PAX3: variants seen among roughly 807,000 people sequenced by gnomAD.
PAX3 encodes the protein paired box 3.
A neutral mutation model predicts 51.6 loss-of-function variants in PAX3; 14 were observed. The ratio of observed to expected loss-of-function variants is 0.27; its 90% CI spans 0.18 to 0.42. PAX3 has a LOEUF of 0.42. PAX3 is among the 10% of genes least tolerant of loss of function. The pLI is 1.00. For missense variants in PAX3, 540 were observed against 642.8 expected (o/e 0.84, Z 1.73); for synonymous variants, 280 against 253.4 (o/e 1.11, Z -1.00).
chr2:222,273,765 CT>C (rs993608867), intron 4 of PAX3, among the ~76,000 whole-genome samples: 11 of 150,798 alleles, frequency 7.3e-5, no homozygotes, highest in East Asian at 1.9e-4. Context: ...TTTCTTTTTC[CT>C]TTTTTTTTCC....
chr2:222,260,008 A>G (rs759779963), intron 4 of PAX3, among the ~76,000 whole-genome samples: 2 of 151,786 alleles, frequency 1.3e-5, no homozygotes, highest in Non-Finnish European at 3.0e-5. Context: ...AGCTGGGACT[A>G]TAGGCACACA....
chr2:222,200,888 A>G lies in PAX3; in HGVS notation c.*520T>C, dbSNP rs931002727. ...TTTCAATTTCCAGTGTGTAAGAGTC[A>G]AGGATTCCTCCATTCTTGCTTCATG... On this transcript the variant is annotated 3_prime_UTR_variant, in exon 9 of 9. Transcript: ENST00000392070. The G allele has an allele frequency of 2.2e-5, 11 of 492,510 alleles. No individual in the cohort carries two copies. Among genetic ancestry groups the G allele is most frequent in the Middle Eastern group, 5.4e-4 (1 of 1,836 alleles). 30.5% of individuals were successfully genotyped at this position (492,510 alleles called of 1,614,324 possible).
At chr2:222,250,627 T>C (rs1406836480) in intron 4 of PAX3, among the ~76,000 whole-genome samples, 1 of 152,160 alleles carries the variant, frequency 6.6e-6, no homozygotes, top group African/African-American at 2.4e-5. Context: ...AAGAATGTTT[T>C]TGGTTAGATT....
chr2:222,203,012 C>CATATATATATATATATATAT (rs71053057), intron 7 of PAX3, among the ~76,000 whole-genome samples: 3 of 41,188 alleles, frequency 7.3e-5, no homozygotes, highest in Non-Finnish European at 1.0e-4. Context: ...ACAACCATTT[C>CATATATATATATATATATAT]ATATATATAT....
At chr2:222,235,288 C>T (rs1426945809) in intron 4 of PAX3, among the ~76,000 whole-genome samples, 1 of 152,166 alleles carries the variant, frequency 6.6e-6, no homozygotes, top group Admixed American at 6.6e-5. Context: ...CTGCCTTGTT[C>T]ACTGCTGGAA....
At chr2:222,260,495 A>G (rs567734284) in intron 4 of PAX3, among the ~76,000 whole-genome samples, 1 of 143,230 alleles carries the variant, frequency 7.0e-6, no homozygotes, top group Admixed American at 7.1e-5. Context: ...ACATGTCTCT[A>G]TTTCAATACC....
intron 7 of PAX3, among the ~76,000 whole-genome samples, chr2:222,202,413 A>C (rs1490423641): frequency 6.6e-6 from 1 of 151,956 alleles, no homozygotes; most frequent in African/African-American, 2.4e-5. Flanking sequence ...GGGAGGGAGA[A>C]GAGGGGAGAA....
chr2:222,252,844 A>G (rs372774084), intron 4 of PAX3, among the ~76,000 whole-genome samples: 28 of 152,148 alleles, frequency 1.8e-4, no homozygotes, highest in African/African-American at 6.5e-4. Context: ...GAGAACCAGG[A>G]AACTCTTTTT....
intron 4 of PAX3, among the ~76,000 whole-genome samples, chr2:222,250,986 A>G (rs1693407406): frequency 6.6e-6 from 1 of 152,202 alleles, no homozygotes; most frequent in Non-Finnish European, 1.5e-5. Context: ...GCATTTAAAG[A>G]ATTATCTCCC....
chr2:222,281,143 T>C (rs781731720), intron 4 of PAX3, among the ~76,000 whole-genome samples: 10 of 152,198 alleles, frequency 6.6e-5, no homozygotes, highest in Non-Finnish European at 1.2e-4. Context: ...TCCCAAATGA[T>C]ATTCTGCTCT....
chr2:222,253,704 G>A (rs1489658269), intron 4 of PAX3, among the ~76,000 whole-genome samples: 3 of 151,250 alleles, frequency 2.0e-5, no homozygotes, highest in African/African-American at 7.3e-5. Context: ...AGTCTGGAGT[G>A]CAGTGTCATG....
rs1692621452 is a variant in PAX3 at position 222,232,153 on chromosome 2, C to G, written c.717G>C (p.Glu239Asp). 5 of 1,614,048 alleles carry G rather than the reference C, an allele frequency of 3.1e-6. No homozygotes were observed. The highest frequency in any genetic ancestry group is 4.2e-6 in the Non-Finnish European group (5 of 1,179,974). ...EQLEELERAFERTHYPDIYTR... is the reference protein window; with the variant it reads ...EQLEELERAFDRTHYPDIYTR... ...TATAAATGTCAGGGTAATGAGTTCT[C>G]TCAAAAGCACGCTCCAGTTCCTCCA... Residue 239 changes from glutamate (E) to aspartate (D), a missense_variant, in exon 5 of 9, where the codon GAG becomes GAC. Physicochemically the swap from Glu to Asp is conservative, Grantham distance 45. This residue lies in a region of PAX3 where 427 missense variants were observed against 483.6 expected (regional missense o/e 0.88). Transcript: ENST00000392070.
intron 4 of PAX3, among the ~76,000 whole-genome samples, chr2:222,271,847 C>G (rs1383212566): frequency 3.3e-5 from 5 of 152,312 alleles, no homozygotes; most frequent in African/African-American, 1.2e-4. Context: ...TTCTGAAATT[C>G]AGTTCCACAT....
At chr2:222,232,332 A>AGTT (rs1692628710) in intron 4 of PAX3, 49 bp from the exon 5 acceptor site, 1 of 1,534,066 alleles carries the variant, frequency 6.5e-7, no homozygotes, top group African/African-American at 1.4e-5. Flanking sequence ...TCAAAAAAAT[A>AGTT]AAACTGAGAT....
intron 7 of PAX3, among the ~76,000 whole-genome samples, chr2:222,215,938 A>G (rs932550994): frequency 3.3e-5 from 5 of 152,194 alleles, no homozygotes; most frequent in African/African-American, 1.2e-4. Flanking sequence ...AAGGTTATGC[A>G]GTTCAAACAG....
chr2:222,261,195 G>C (rs927270647), intron 4 of PAX3, among the ~76,000 whole-genome samples: 1 of 152,102 alleles, frequency 6.6e-6, no homozygotes, highest in Non-Finnish European at 1.5e-5. Context: ...TGCCATGCAC[G>C]CAGTGGACTG....
At chr2:222,218,664 C>T (rs987425447) in intron 7 of PAX3, among the ~76,000 whole-genome samples, 2 of 152,142 alleles carry the variant, frequency 1.3e-5, no homozygotes, top group Non-Finnish European at 2.9e-5. Flanking sequence ...ATGACTCTAT[C>T]AATATAAGTC....
At chr2:222,237,596 G>C (rs1172930592) in intron 4 of PAX3, among the ~76,000 whole-genome samples, 1 of 152,130 alleles carries the variant, frequency 6.6e-6, no homozygotes, top group Admixed American at 6.6e-5. Context: ...CCAAGGTATA[G>C]TTTTTAAACA....
chr2:222,280,371 A>G, intron 4 of PAX3, among the ~76,000 whole-genome samples: 1 of 142,082 alleles, frequency 7.0e-6, no homozygotes, highest in Non-Finnish European at 1.6e-5. Flanking sequence ...GAGAGAAATA[A>G]AGGGGAAGGA....
Sources: allele counts gnomAD v4.1 joint callset (sites outside exome capture counted in the v4.1 genomes callset), GRCh38; gene constraint gnomAD v4.1.1; regional missense constraint gnomAD v4.1.1; transcripts MANE v1.5; gene names NCBI Gene and HGNC (gene_info 2026-07-23, HGNC 2026-07-21).